The following RAB3B variants were observed in gnomAD, a reference collection of about 807,000 sequenced individuals.
The protein encoded by RAB3B is RAB3B, member RAS oncogene family.
A neutral mutation model predicts 20.5 loss-of-function variants in RAB3B; 11 were observed. The observed-to-expected ratio is 0.54, with a 90% CI of 0.34 to 0.89. The LOEUF (loss-of-function observed/expected upper bound fraction) is 0.89. Ranked by LOEUF, RAB3B falls within the 40% of genes least tolerant of loss-of-function variation. The pLI is 0.02. For synonymous variants in RAB3B, 99 were observed against 106.3 expected, an observed-to-expected ratio of 0.93 and a Z score of 0.42; for missense variants, 225 against 280.9, an observed-to-expected ratio of 0.80 and a Z score of 1.42.
intron 2 of RAB3B, among the ~76,000 whole-genome samples, chr1:51,972,131 T>C (rs1259201068): frequency 1.3e-5 from 2 of 152,152 alleles, no homozygotes; most frequent in Non-Finnish European, 2.9e-5. Flanking sequence ...GCTGAGCTCA[T>C]GCCATTGCAC....
chr1:51,982,500 C>G (rs1685100580), intron 1 of RAB3B, among the ~76,000 whole-genome samples: 1 of 152,032 alleles, frequency 6.6e-6, no homozygotes, highest in South Asian at 2.1e-4. Context: ...AGACCTGTAA[C>G]CCCAGACTTT....
chr1:51,985,411 T>G (rs1054086608), intron 1 of RAB3B, among the ~76,000 whole-genome samples: 9 of 152,198 alleles, frequency 5.9e-5, no homozygotes, highest in African/African-American at 2.2e-4. Context: ...ATTTTTCAAG[T>G]GCCAGACTAT....
rs1043581451 is a variant in RAB3B at position 51,920,235 on chromosome 1, C to T, written c.473-121G>A. ...AGTGCTCAGCAGTGAAGCAAAGAGG[C>T]TAAATTCCACGGACATGGGATTCTG... is the stretch of plus-strand genomic sequence containing the variant. On this transcript the variant is annotated intron_variant, in intron 4 of 4. Transcript: ENST00000371655. 87 of 827,096 alleles carry T rather than the reference C, an allele frequency of 1.1e-4. 1 individual carries two copies. In the East Asian group the frequency reaches 2.3e-3, roughly 22 times the overall value. 51.2% of individuals were successfully genotyped at this position (827,096 alleles called of 1,614,324 possible). A position where few individuals can be genotyped will look rare whatever the true frequency, so the allele number is the denominator to read the frequency against.
chr1:51,978,621 T>C (rs908801874), intron 1 of RAB3B, among the ~76,000 whole-genome samples: 1 of 152,210 alleles, frequency 6.6e-6, no homozygotes, highest in Non-Finnish European at 1.5e-5. Flanking sequence ...CTTTAATTGC[T>C]TCTCCTATGT....
intron 4 of RAB3B, among the ~76,000 whole-genome samples, chr1:51,925,030 T>G (rs1241766224): frequency 6.6e-6 from 1 of 152,182 alleles, no homozygotes; most frequent in Admixed American, 6.5e-5. Context: ...ATCACGTTTA[T>G]CTACTCTGTC....
chr1:51,920,043 C>A lies in RAB3B; in HGVS notation c.544G>T (p.Ala182Ser). The change falls in exon 5 of 5, where the codon GCC (alanine) becomes TCC (serine). Residue 182 changes from alanine (A) to serine (S), a missense_variant. Coordinates refer to ENST00000371655, the MANE Select transcript of RAB3B (RefSeq NM_002867.4). ...VRQAFERLVDAICDKMSDSLD... is the reference protein window; with the variant it reads ...VRQAFERLVDSICDKMSDSLD... ...GAATCAGACATCTTGTCACAAATGGCATCCACCAGGCGCTCAAAGGCCTGC... is the reference window on the plus strand; with the variant it reads ...GAATCAGACATCTTGTCACAAATGGAATCCACCAGGCGCTCAAAGGCCTGC... 6.2e-7 allele frequency: 1 copy of A among 1,614,182 alleles called. No homozygotes were observed. The highest frequency in any genetic ancestry group is 1.7e-5 in the Admixed American group (1 of 60,020).
At chr1:51,986,638 G>C (rs1037225506) in intron 1 of RAB3B, among the ~76,000 whole-genome samples, 4 of 152,024 alleles carry the variant, frequency 2.6e-5, no homozygotes, top group African/African-American at 4.8e-5. Flanking sequence ...AAAAAAAGAA[G>C]CATACCCAAC....
intron 4 of RAB3B, among the ~76,000 whole-genome samples, chr1:51,930,109 A>AAATCT (rs1342160773): frequency 6.6e-6 from 1 of 152,238 alleles, no homozygotes; most frequent in African/African-American, 2.4e-5. Context: ...TGACCTGCCC[A>AAATCT]AATCTAACCA....
chr1:51,968,935 G>A (rs2124300442), intron 2 of RAB3B, among the ~76,000 whole-genome samples: 1 of 152,284 alleles, frequency 6.6e-6, no homozygotes, highest in Admixed American at 6.5e-5. Context: ...TTGTCCCATT[G>A]TTTGTCATTC....
chr1:51,966,427 G>T (rs1446626552), intron 2 of RAB3B, among the ~76,000 whole-genome samples: 3 of 152,180 alleles, frequency 2.0e-5, no homozygotes, highest in Non-Finnish European at 2.9e-5. Flanking sequence ...ATGGATTAAT[G>T]AATACACAAA....
chr1:51,948,518 G>C (rs1439859123), intron 2 of RAB3B, among the ~76,000 whole-genome samples: 1 of 152,214 alleles, frequency 6.6e-6, no homozygotes, highest in East Asian at 1.9e-4. Context: ...AAGACAAACA[G>C]ATGAATACAA....
chr1:51,976,033 G>A (rs973939149), intron 2 of RAB3B, among the ~76,000 whole-genome samples: 19 of 151,586 alleles, frequency 1.3e-4, no homozygotes, highest in African/African-American at 4.6e-4. Context: ...GTATGTTTCA[G>A]ATGACTGCAA....
Position 51,984,263 on chromosome 1 carries a change from TAAAAAAAAAAAAAAAA to T in RAB3B, c.-1+6273_-1+6288del, listed in dbSNP as rs1166997647. ...CAGGCAACAGTGGAGACTCTCTAAT[TAAAAAAAAAAAAAAAA>T]AAAAAAAAAAAAAAAAAAGCATGAA... On this transcript the variant is annotated intron_variant, in intron 1 of 4. Coordinates refer to ENST00000371655, the MANE Select transcript of RAB3B (RefSeq NM_002867.4). Among the ~76,000 whole-genome samples, 10 of 20,676 alleles carry T rather than the reference TAAAAAAAAAAAAAAAA, an allele frequency of 4.8e-4. No homozygotes were observed. The East Asian group carries it at 9.4e-3, about 20-fold the overall frequency. 13.6% of individuals were successfully genotyped at this position (20,676 alleles called of 152,430 possible).
At position 51,929,965 on chromosome 1, in the gene RAB3B, T is replaced by A. The variant is rs114005544; in HGVS notation, c.472+3353A>T. 6.2e-3 allele frequency among the ~76,000 whole-genome samples: 946 copies of A among 152,288 alleles called. 27 individuals are homozygous for A. In the South Asian group the frequency reaches 0.093, roughly 15 times the overall value. ...GAATATCTACCCTATGCTGGGTCCT[T>A]AGGATAATGAAACAAATCAGACACA... On this transcript the variant is annotated intron_variant, in intron 4 of 4. Coordinates refer to ENST00000371655, the MANE Select transcript of RAB3B (RefSeq NM_002867.4).
chr1:51,955,420 C>T (rs547002209), intron 2 of RAB3B, among the ~76,000 whole-genome samples: 12 of 152,042 alleles, frequency 7.9e-5, no homozygotes, highest in African/African-American at 2.9e-4. Context: ...TAGACAGAGT[C>T]TCCCTCTGTC....
At chr1:51,947,049 C>T (rs1684574879) in intron 2 of RAB3B, among the ~76,000 whole-genome samples, 1 of 152,032 alleles carries the variant, frequency 6.6e-6, no homozygotes, top group Admixed American at 6.6e-5. Flanking sequence ...TTAACTGAGG[C>T]TCATGGAAGT....
At chr1:51,933,097 A>T (rs1403898152) in intron 4 of RAB3B, among the ~76,000 whole-genome samples, 2 of 152,250 alleles carry the variant, frequency 1.3e-5, no homozygotes, top group Non-Finnish European at 2.9e-5. Flanking sequence ...AATATAACAA[A>T]ATATATACAT....
rs1684106023 is a variant in RAB3B at position 51,917,593 on chromosome 1, G to A, written c.*2334C>T. The A allele has an allele frequency of 6.6e-6, 1 of 151,958 alleles. No individual in the cohort carries two copies. The highest frequency in any genetic ancestry group is 2.4e-5 in the African/African-American group (1 of 41,378). 9.4% of individuals were successfully genotyped at this position (151,958 alleles called of 1,614,324 possible). A position where few individuals can be genotyped will look rare whatever the true frequency, so the allele number is the denominator to read the frequency against. On this transcript the variant is annotated 3_prime_UTR_variant, in exon 5 of 5. Transcript: ENST00000371655. ...AGAGACAGGGTCTTATTCTTACTCT[G>A]TCACCCAGACTGGAATGCAGTGGCA...
intron 4 of RAB3B, among the ~76,000 whole-genome samples, chr1:51,928,455 T>C (rs1684277827): frequency 6.6e-6 from 1 of 152,170 alleles, no homozygotes; most frequent in Non-Finnish European, 1.5e-5. Flanking sequence ...TAGTCTTGAC[T>C]GAGAGAGCTG....
Sources: allele counts gnomAD v4.1 joint callset (sites outside exome capture counted in the v4.1 genomes callset), GRCh38; gene constraint gnomAD v4.1.1; transcripts MANE v1.5; gene names NCBI Gene and HGNC (gene_info 2026-07-23, HGNC 2026-07-21).